Variants in EYS observed in about 807,000 individuals in gnomAD.
The protein encoded by EYS is EGF-like photoreceptor maintenance factor.
Under a neutral mutation model 282.1 loss-of-function variants are expected in EYS, and 250 were observed. That is an observed-to-expected ratio of 0.89 (90% CI 0.80 to 0.98). The LOEUF (loss-of-function observed/expected upper bound fraction) is 0.98. Ranked by LOEUF, EYS falls within the 50% of genes least tolerant of loss-of-function variation. EYS has a pLI of 0.00. For missense variants in EYS, 4,016 were observed against 3,709.0 expected (o/e 1.08, Z -2.15); for synonymous variants, 1,355 against 1,282.9 (o/e 1.06, Z -1.20).
intron 30 of EYS, among the ~76,000 whole-genome samples, chr6:64,293,721 A>T (rs1350744208): frequency 1.3e-5 from 2 of 152,130 alleles, no homozygotes; most frequent in East Asian, 3.8e-4. Context: ...GATGTATTTT[A>T]TTCTTTTCTC....
rs780553015 is a variant in EYS, at chr6:64,462,305, A to G, written c.5645-22953T>C. ...AAATTGCAATCAAAACGAGAGATATAAAAACAGCATTTAATTAAGAAAATA... is the reference window on the plus strand; with the variant it reads ...AAATTGCAATCAAAACGAGAGATATGAAAACAGCATTTAATTAAGAAAATA... On this transcript the variant is annotated intron_variant, in intron 26 of 42. Transcript: ENST00000503581. 4.5e-4 allele frequency among the ~76,000 whole-genome samples: 69 copies of G among 152,212 alleles called. 1 individual carries two copies. The highest frequency in any genetic ancestry group is 2.8e-4 in the Non-Finnish European group (19 of 68,042).
intron 2 of EYS, among the ~76,000 whole-genome samples, chr6:65,522,356 T>G (rs1287436963): frequency 6.6e-6 from 1 of 152,126 alleles, no homozygotes; most frequent in Non-Finnish European, 1.5e-5. Flanking sequence ...ATCCCAGCAC[T>G]TTGGGAGGCT....
intron 12 of EYS, among the ~76,000 whole-genome samples, chr6:65,150,635 C>A (rs1764590209): frequency 6.6e-6 from 1 of 151,778 alleles, no homozygotes; most frequent in Non-Finnish European, 1.5e-5. Flanking sequence ...TTCCTTTGTT[C>A]TTCATCTGCC....
At chr6:65,506,456 C>G (rs527881167) in intron 2 of EYS, among the ~76,000 whole-genome samples, 2 of 89,526 alleles carry the variant, frequency 2.2e-5, no homozygotes, top group African/African-American at 7.8e-5. Flanking sequence ...TCCTTCCTTC[C>G]TTTCTTTTTT....
intron 13 of EYS, among the ~76,000 whole-genome samples, chr6:65,023,840 CT>C (rs1772320413): frequency 1.3e-5 from 2 of 152,182 alleles, no homozygotes; most frequent in Admixed American, 1.3e-4. Context: ...TAACTTGCCC[CT>C]TCATATACCA....
intron 30 of EYS, among the ~76,000 whole-genome samples, chr6:64,237,515 T>C (rs1021409701): frequency 6.6e-6 from 1 of 152,226 alleles, no homozygotes; most frequent in Non-Finnish European, 1.5e-5. Flanking sequence ...AGTTTTTTAG[T>C]TGCCAGGTGT....
intron 1 of EYS, among the ~76,000 whole-genome samples, chr6:65,652,517 T>C (rs1767692548): frequency 2.0e-5 from 3 of 152,010 alleles, no homozygotes; most frequent in South Asian, 2.1e-4. Context: ...TTTTAATGTA[T>C]GTTCAAATCA....
chr6:65,534,683 CT>C (rs1562245395), intron 2 of EYS, among the ~76,000 whole-genome samples: 4 of 152,124 alleles, frequency 2.6e-5, no homozygotes, highest in Non-Finnish European at 5.9e-5. Flanking sequence ...TTCTAGTTAG[CT>C]TATCTACAGC....
chr6:64,358,163 T>C (rs1169325769), intron 29 of EYS, among the ~76,000 whole-genome samples: 1 of 151,610 alleles, frequency 6.6e-6, no homozygotes, highest in Non-Finnish European at 1.5e-5. Context: ...TTTGCCCAGG[T>C]GGTGTCTATT....
chr6:64,027,767 T>C (rs1769604017), intron 33 of EYS, among the ~76,000 whole-genome samples: 1 of 152,088 alleles, frequency 6.6e-6, no homozygotes, highest in African/African-American at 2.4e-5. Context: ...GAGGACAAAG[T>C]TTCCCTGGGA....
intron 26 of EYS, among the ~76,000 whole-genome samples, chr6:64,504,323 A>G (rs999115735): frequency 6.6e-6 from 1 of 152,198 alleles, no homozygotes; most frequent in African/African-American, 2.4e-5. Flanking sequence ...AAATCACCCT[A>G]ACATTTTAGG....
At chr6:64,919,180 T>C (rs1489411670) in intron 15 of EYS, among the ~76,000 whole-genome samples, 1 of 152,072 alleles carries the variant, frequency 6.6e-6, no homozygotes, top group African/African-American at 2.4e-5. Context: ...AATTTTTATT[T>C]ATTTATTTTG....
intron 31 of EYS, among the ~76,000 whole-genome samples, chr6:64,220,980 A>C (rs935515612): frequency 2.0e-5 from 3 of 152,148 alleles, no homozygotes; most frequent in Non-Finnish European, 2.9e-5. Flanking sequence ...GGATTAAATG[A>C]GTCACTGCAA....
At chr6:64,246,380 G>A (rs188377640) in intron 30 of EYS, among the ~76,000 whole-genome samples, 13 of 151,988 alleles carry the variant, frequency 8.6e-5, no homozygotes, top group East Asian at 3.9e-4. Flanking sequence ...TAAATCTTCC[G>A]TAAATTTCTC....
At chr6:65,084,803 T>C (rs1561957635) in intron 12 of EYS, among the ~76,000 whole-genome samples, 1 of 152,108 alleles carries the variant, frequency 6.6e-6, no homozygotes, top group Non-Finnish European at 1.5e-5. Context: ...AGTGTTTTAG[T>C]TGGAAAAAAC....
At chr6:65,172,337 T>A (rs990420023) in intron 12 of EYS, among the ~76,000 whole-genome samples, 11 of 151,410 alleles carry the variant, frequency 7.3e-5, no homozygotes, top group Admixed American at 4.6e-4. Flanking sequence ...AATATGCCCA[T>A]GCAAACATCA....
At chr6:65,496,879 T>C (rs1238543885) in intron 2 of EYS, among the ~76,000 whole-genome samples, 1 of 152,074 alleles carries the variant, frequency 6.6e-6, no homozygotes, top group African/African-American at 2.4e-5. Flanking sequence ...ATCAAATCTT[T>C]ATGGTAAGTC....
chr6:65,495,126 A>C lies in EYS; in HGVS notation c.285T>G (p.Ser95=). The change falls in exon 4 of 43, where the codon TCT becomes TCG. Residue 95 remains serine (S), a synonymous_variant. Coordinates refer to ENST00000503581, the MANE Select transcript of EYS (RefSeq NM_001142800.2). ...TCAAATTTATTTCTGGAAATTGAAGAGATGGTTCAGAAGAAATTACAAGGA... is the reference window on the plus strand; with the variant it reads ...TCAAATTTATTTCTGGAAATTGAAGCGATGGTTCAGAAGAAATTACAAGGA... ...GDILVISSEP[S]LQFPEINLMN... 1 of 1,614,142 alleles carries C rather than the reference A, an allele frequency of 6.2e-7. No homozygotes were observed. Among genetic ancestry groups the C allele is most frequent in the Non-Finnish European group, 8.5e-7 (1 of 1,180,008 alleles).
intron 19 of EYS, among the ~76,000 whole-genome samples, chr6:64,864,590 T>C (rs1201030377): frequency 2.0e-5 from 3 of 147,488 alleles, no homozygotes; most frequent in Admixed American, 6.8e-5. Flanking sequence ...TTCACCATGT[T>C]GGCTACGATA....
Sources: allele counts gnomAD v4.1 joint callset (sites outside exome capture counted in the v4.1 genomes callset), GRCh38; gene constraint gnomAD v4.1.1; transcripts MANE v1.5; gene names NCBI Gene and HGNC (gene_info 2026-07-23, HGNC 2026-07-21).